PCDHGA1: variants seen among roughly 807,000 people sequenced by gnomAD.
PCDHGA1 encodes the protein protocadherin gamma-A1.
In PCDHGA1, 32 loss-of-function variants were observed where a neutral mutation model predicts 58.0. That is an observed-to-expected ratio of 0.55 (90% CI 0.42 to 0.74). PCDHGA1 has a LOEUF of 0.74. PCDHGA1 is among the 30% of genes least tolerant of loss of function. The probability of loss-of-function intolerance (pLI) is 0.00; values close to 1 mark genes in which losing one functional copy is unlikely to be tolerated. For synonymous variants in PCDHGA1, 498 were observed against 501.1 expected (o/e 0.99, Z 0.08); for missense variants, 1,205 against 1,182.3 (o/e 1.02, Z -0.28).
chr5:141,399,387 CACAG>C, intron 1 of PCDHGA1: 4 of 1,614,028 alleles, frequency 2.5e-6, no homozygotes, highest in Non-Finnish European at 2.5e-6. Context: ...CCATCACAGC[CACAG>C]ACAGGGGCAA....
Position 141,332,718 on chromosome 5 carries a change from C to T in PCDHGA1, c.2034C>T (p.Leu678=), listed in dbSNP as rs1405870701. 2 of 1,613,976 alleles carry T rather than the reference C, an allele frequency of 1.2e-6. No individual in the cohort carries two copies. The highest frequency in any genetic ancestry group is 1.7e-5 in the Admixed American group (1 of 60,034). Residue 678 remains leucine (L), a synonymous_variant, in exon 1 of 4, where the codon CTC becomes CTT. Coordinates refer to ENST00000517417, the MANE Select transcript of PCDHGA1 (RefSeq NM_018912.3). This position sits in a 1 kb window ranked among gnomAD's most constrained non-coding sequence, Gnocchi z 4.6. ...ISDILADLGS[L]EPSAKPNDSD... ...ACATCCTGGCCGACCTGGGCAGCCT[C>T]GAGCCCTCCGCCAAACCCAACGATT...
chr5:141,355,648 G>T (rs11575949), intron 1 of PCDHGA1: 1 of 1,613,846 alleles, frequency 6.2e-7, no homozygotes. Flanking sequence ...AAATCCTGGG[G>T]CAAGATTTCC....
intron 1 of PCDHGA1, chr5:141,362,538 C>T (rs1762553339): frequency 6.2e-7 from 1 of 1,613,736 alleles, no homozygotes; most frequent in South Asian, 1.1e-5. Context: ...TCCCTTTTGC[C>T]TCAGATACTA....
intron 1 of PCDHGA1, chr5:141,413,618 A>C (rs1188549125): frequency 6.2e-7 from 1 of 1,613,916 alleles, no homozygotes; most frequent in Admixed American, 1.7e-5. Context: ...AAAATTAATG[A>C]AAATGTCGCT....
intron 1 of PCDHGA1, chr5:141,372,300 GAGGCCGCCCGCC>G (rs769286346): frequency 1.2e-6 from 2 of 1,613,366 alleles, no homozygotes; most frequent in Non-Finnish European, 1.7e-6. Flanking sequence ...GGGCGACAGG[GAGGCCGCCCGCC>G]AGCGCCTGCT....
rs556415227 is a variant in PCDHGA1, at chr5:141,476,903, G to A, written c.2422-17904G>A. ...GGAGGATGCACCCTCCGGCACGCGC[G>A]TGGTACAAGTCCTTGCAACGGATCT... On this transcript the variant is annotated intron_variant, in intron 1 of 3. Transcript: ENST00000517417. This position sits in a 1 kb window ranked among gnomAD's most constrained non-coding sequence, Gnocchi z 7.6. The A allele has an allele frequency of 1.4e-5, 22 of 1,614,018 alleles. No homozygotes were observed. In the African/African-American group the frequency reaches 1.7e-4, roughly 13 times the overall value.
chr5:141,421,379 AGGACCTGGGGCT>A, intron 1 of PCDHGA1: 1 of 1,614,054 alleles, frequency 6.2e-7, no homozygotes, highest in South Asian at 1.1e-5. Context: ...AATATCTCCA[AGGACCTGGGGCT>A]GGAGCCCCGG....
At chr5:141,478,118 G>C in intron 1 of PCDHGA1, 2 of 1,614,048 alleles carry the variant, frequency 1.2e-6, no homozygotes, top group African/African-American at 1.3e-5. Context: ...GTCAGTAACC[G>C]AGGACTCTCC....
chr5:141,494,677 TGCCCCCTCTTA>T, intron 1 of PCDHGA1, 119 bp from the exon 2 acceptor site: 5 of 1,552,906 alleles, frequency 3.2e-6, no homozygotes, highest in Non-Finnish European at 4.4e-6. Flanking sequence ...AGTCCACCCC[TGCCCCCTCTTA>T]GTCCGTTTTC....
At chr5:141,372,279 G>C in intron 1 of PCDHGA1, 1 of 1,613,176 alleles carries the variant, frequency 6.2e-7, no homozygotes, top group Non-Finnish European at 8.5e-7. Flanking sequence ...GGTGCGCACG[G>C]CGCGTACCTT....
At chr5:141,364,814 G>T in intron 1 of PCDHGA1, 1 of 1,614,042 alleles carries the variant, frequency 6.2e-7, no homozygotes, top group Non-Finnish European at 8.5e-7. Flanking sequence ...GGATGCGGAT[G>T]TGGGTGTGAA....
At chr5:141,346,407 C>CT (rs1257691248) in intron 1 of PCDHGA1, 1 of 1,614,270 alleles carries the variant, frequency 6.2e-7, no homozygotes, top group Admixed American at 1.7e-5. Context: ...CGAGCCTCTT[C>CT]TGATAACTCA....
At chr5:141,366,020 T>A in intron 1 of PCDHGA1, 2 of 1,614,210 alleles carry the variant, frequency 1.2e-6, no homozygotes, top group South Asian at 2.2e-5. Flanking sequence ...TGAGATCCTG[T>A]ACCCCGCCCT....
intron 1 of PCDHGA1, chr5:141,355,815 G>A (rs377468694): frequency 5.0e-6 from 8 of 1,613,094 alleles, no homozygotes; most frequent in South Asian, 2.2e-5. Context: ...GCGAGGAAGA[G>A]GCGGTTCACC....
chr5:141,472,308 G>A (rs897967832), intron 1 of PCDHGA1, among the ~76,000 whole-genome samples: 6 of 152,074 alleles, frequency 3.9e-5, no homozygotes, highest in South Asian at 4.1e-4. Context: ...TTGGGAAGCC[G>A]AGGCAGGCAG....
chr5:141,393,137 C>T (rs777446564), intron 1 of PCDHGA1: 14 of 1,613,286 alleles, frequency 8.7e-6, no homozygotes, highest in South Asian at 2.2e-5. Context: ...ATATTAACAC[C>T]CTGGTTGAGG....
intron 1 of PCDHGA1, chr5:141,400,680 G>A (rs1452030965): frequency 1.4e-5 from 12 of 883,960 alleles, no homozygotes; most frequent in Admixed American, 5.5e-5. Context: ...GCAGTAAATT[G>A]TGAGTTTTTA....
chr5:141,392,101 C>G (rs1234202076), intron 1 of PCDHGA1: 1 of 152,130 alleles, frequency 6.6e-6, no homozygotes, highest in Non-Finnish European at 1.5e-5. Context: ...AATTTAAAAG[C>G]AACAACTCTA....
chr5:141,481,096 T>C (rs1162625304), intron 1 of PCDHGA1, among the ~76,000 whole-genome samples: 2 of 152,150 alleles, frequency 1.3e-5, no homozygotes, highest in East Asian at 1.9e-4. Flanking sequence ...AAAGCAGTAC[T>C]CTGGAACCTA....
Sources: gnomAD v4.1 joint callset for allele counts (sites outside exome capture counted in the v4.1 genomes callset) on GRCh38, gnomAD v4.1.1 for gene constraint, Gnocchi (gnomAD v3.1) non-coding constraint, MANE v1.5 for transcripts, NCBI Gene and HGNC (gene_info 2026-07-23, HGNC 2026-07-21) for gene names.